CDC42BPA: variants seen among roughly 807,000 people sequenced by gnomAD.
The protein encoded by CDC42BPA is CDC42 binding protein kinase alpha.
Under a neutral mutation model 223.5 loss-of-function variants are expected in CDC42BPA, and 80 were observed. The observed-to-expected ratio is 0.36, with a 90% CI of 0.30 to 0.43. The LOEUF (loss-of-function observed/expected upper bound fraction) is 0.43, where lower values mean the gene tolerates loss of function less well. CDC42BPA is among the 20% of genes least tolerant of loss of function. The pLI is 1.00. For missense variants in CDC42BPA, 1,743 were observed against 2,099.9 expected, an observed-to-expected ratio of 0.83 and a Z score of 3.32; for synonymous variants, 694 against 718.6, an observed-to-expected ratio of 0.97 and a Z score of 0.55.
chr1:227,227,137 T>C (rs1458139926), intron 2 of CDC42BPA, among the ~76,000 whole-genome samples: 1 of 152,010 alleles, frequency 6.6e-6, no homozygotes, highest in African/African-American at 2.4e-5. Context: ...TTTGTTAAGG[T>C]AGCTGGTAAC....
intron 1 of CDC42BPA, among the ~76,000 whole-genome samples, chr1:227,298,987 G>A (rs1691184393): frequency 6.6e-6 from 1 of 152,166 alleles, no homozygotes; most frequent in African/African-American, 2.4e-5. Flanking sequence ...GACAGCTGTA[G>A]AGTAGCATAA....
chr1:227,250,831 T>A (rs1428813644), intron 2 of CDC42BPA, among the ~76,000 whole-genome samples: 1 of 152,010 alleles, frequency 6.6e-6, no homozygotes, highest in Non-Finnish European at 1.5e-5. Context: ...GCAGGAGGAC[T>A]CCTTGAGCCT....
chr1:227,007,189 T>C (rs889658080), intron 34 of CDC42BPA, among the ~76,000 whole-genome samples: 3 of 152,234 alleles, frequency 2.0e-5, no homozygotes, highest in African/African-American at 7.2e-5. Context: ...AACTATAACA[T>C]GCAACTTTCC....
At chr1:227,208,225 T>C (rs992792469) in intron 3 of CDC42BPA, among the ~76,000 whole-genome samples, 1 of 151,552 alleles carries the variant, frequency 6.6e-6, no homozygotes, top group Non-Finnish European at 1.5e-5. Context: ...TTTTTTCTTG[T>C]AAATTTGTTT....
At chr1:227,249,845 T>C (rs1049129436) in intron 2 of CDC42BPA, among the ~76,000 whole-genome samples, 3 of 152,028 alleles carry the variant, frequency 2.0e-5, no homozygotes, top group Non-Finnish European at 2.9e-5. Context: ...GGATGATTAA[T>C]GAGTACAAAA....
At chr1:227,061,333 T>A (rs181763296) in intron 21 of CDC42BPA, among the ~76,000 whole-genome samples, 1 of 152,274 alleles carries the variant, frequency 6.6e-6, no homozygotes, top group Admixed American at 6.5e-5. Flanking sequence ...ATGTGCAGAG[T>A]ATATGCAGAT....
chr1:227,072,231 G>A lies in CDC42BPA; in HGVS notation c.2804C>T (p.Thr935Ile), dbSNP rs761429184. Residue 935 changes from threonine to isoleucine, a missense_variant, in exon 20 of 37, where the codon ACT (threonine) becomes ATT (isoleucine). Around this residue, in one of 6 missense-constraint regions of CDC42BPA, gnomAD observed 678 missense variants for 777.5 expected, o/e 0.87. Transcript: ENST00000366766. ...LSEIEQLIKD[T>I]EELRSEKGIE... ...ACCCTTTTCAGATCTAAGCTCTTCA[G>A]TGTCCTTTATCAGCTGTTCGATTTC... The A allele has an allele frequency of 1.9e-6, 3 of 1,605,400 alleles. No individual in the cohort carries two copies. Among genetic ancestry groups the A allele is most frequent in the Non-Finnish European group, 2.6e-6 (3 of 1,172,918 alleles).
intron 4 of CDC42BPA, among the ~76,000 whole-genome samples, chr1:227,194,912 G>C (rs4653797): frequency 0.2 from 29,842 of 152,020 alleles, 3,029 homozygotes; most frequent in Middle Eastern, 0.26. Context: ...TAGCATGAAG[G>C]CTAGTGAGTA....
intron 5 of CDC42BPA, among the ~76,000 whole-genome samples, chr1:227,189,465 C>T (rs1669361642): frequency 1.3e-5 from 2 of 152,086 alleles, no homozygotes; most frequent in Admixed American, 1.3e-4. Context: ...GGCATATTGT[C>T]TATACTGTCA....
At chr1:227,312,566 A>T (rs1290610551) in intron 1 of CDC42BPA, among the ~76,000 whole-genome samples, 13 of 152,202 alleles carry the variant, frequency 8.5e-5, no homozygotes, top group Non-Finnish European at 1.5e-4. Flanking sequence ...TTCCTTTTTT[A>T]AAAAAGCTGG....
intron 35 of CDC42BPA, among the ~76,000 whole-genome samples, chr1:227,003,148 A>C (rs1370494928): frequency 6.6e-6 from 1 of 152,246 alleles, no homozygotes; most frequent in Non-Finnish European, 1.5e-5. Flanking sequence ...TGAATGGAGG[A>C]AACTCAATCT....
chr1:227,264,589 C>T (rs535019274), intron 1 of CDC42BPA, among the ~76,000 whole-genome samples: 1 of 151,904 alleles, frequency 6.6e-6, no homozygotes, highest in Admixed American at 6.6e-5. Context: ...ACAAGCAAGT[C>T]ACGGGATTTT....
intron 20 of CDC42BPA, among the ~76,000 whole-genome samples, chr1:227,070,375 CCA>C (rs1354465867): frequency 6.6e-5 from 10 of 150,516 alleles, no homozygotes; most frequent in Admixed American, 6.7e-5. Flanking sequence ...ACTCCAAACC[CCA>C]GTTTTTCTCA....
intron 2 of CDC42BPA, among the ~76,000 whole-genome samples, chr1:227,237,352 C>A (rs776900606): frequency 7.8e-4 from 118 of 152,162 alleles, no homozygotes; most frequent in Non-Finnish European, 1.3e-3. Flanking sequence ...ACTCCCACTC[C>A]TGTCTACCCC....
At chr1:227,152,401 G>GT (rs1194999318) in intron 6 of CDC42BPA, among the ~76,000 whole-genome samples, 1 of 151,988 alleles carries the variant, frequency 6.6e-6, no homozygotes, top group African/African-American at 2.4e-5. Flanking sequence ...AATTTTTGTT[G>GT]TGAGTGTTAC....
At chr1:227,004,224 A>C (rs1486040247) in intron 35 of CDC42BPA, 1 of 152,142 alleles carries the variant, frequency 6.6e-6, no homozygotes, top group African/African-American at 2.4e-5. Flanking sequence ...TGACTAATTC[A>C]TCATCAAGTC....
intron 1 of CDC42BPA, among the ~76,000 whole-genome samples, chr1:227,275,800 C>T (rs1015564801): frequency 2.0e-5 from 3 of 152,202 alleles, no homozygotes; most frequent in African/African-American, 4.8e-5. Flanking sequence ...GAAGGGGTTT[C>T]GCCATGTTCG....
At chr1:227,089,546 A>G (rs1313774169) in intron 16 of CDC42BPA, among the ~76,000 whole-genome samples, 1 of 150,458 alleles carries the variant, frequency 6.6e-6, no homozygotes, top group Non-Finnish European at 1.5e-5. Context: ...GACATTAAAT[A>G]TTTACCTACC....
intron 2 of CDC42BPA, among the ~76,000 whole-genome samples, chr1:227,238,318 A>G (rs1679439271): frequency 6.6e-6 from 1 of 151,676 alleles, no homozygotes; most frequent in Non-Finnish European, 1.5e-5. Flanking sequence ...TGATGGCACC[A>G]CTACACTGGC....
Sources: gnomAD v4.1 joint callset for allele counts (sites outside exome capture counted in the v4.1 genomes callset) on GRCh38, gnomAD v4.1.1 for gene constraint, gnomAD v4.1.1 regional missense constraint, MANE v1.5 for transcripts, NCBI Gene and HGNC (gene_info 2026-07-23, HGNC 2026-07-21) for gene names.